The following COL5A1 variants were observed in gnomAD, a reference collection of about 807,000 sequenced individuals.
COL5A1 encodes collagen alpha-1(V) chain.
A neutral mutation model predicts 263.7 loss-of-function variants in COL5A1; 16 were observed. The ratio of observed to expected loss-of-function variants is 0.06; its 90% CI spans 0.04 to 0.09. The LOEUF is 0.09. Ranked by LOEUF, COL5A1 falls within the 10% of genes least tolerant of loss-of-function variation. The probability of loss-of-function intolerance (pLI) is 1.00; values close to 1 mark genes in which losing one functional copy is unlikely to be tolerated. For synonymous variants in COL5A1, 1,012 were observed against 1,004.5 expected (o/e 1.01, Z -0.14); for missense variants, 2,036 against 2,540.5 (o/e 0.80, Z 4.27).
chr9:134,769,034 C>T (rs545906267), intron 25 of COL5A1, among the ~76,000 whole-genome samples: 29 of 152,264 alleles, frequency 1.9e-4, no homozygotes, highest in Admixed American at 1.6e-3. Flanking sequence ...TGCACACGTG[C>T]GTGTACATGA....
chr9:134,662,133 T>C (rs1437688276), intron 1 of COL5A1, among the ~76,000 whole-genome samples: 1 of 135,640 alleles, frequency 7.4e-6, no homozygotes, highest in African/African-American at 2.8e-5. Flanking sequence ...GCCTGGTCAA[T>C]ATCTTGGCCA....
At chr9:134,660,452 G>A (rs1321438094) in intron 1 of COL5A1, among the ~76,000 whole-genome samples, 1 of 152,206 alleles carries the variant, frequency 6.6e-6, no homozygotes, top group Non-Finnish European at 1.5e-5. Flanking sequence ...TGCATATGTG[G>A]TCTTAGGCAT....
At chr9:134,701,449 G>T in intron 4 of COL5A1, 116 bp downstream of exon 4, 1 of 1,013,176 alleles carries the variant, frequency 9.9e-7, no homozygotes. Context: ...GTCCACTGTG[G>T]TCACCGTCTC....
intron 4 of COL5A1, among the ~76,000 whole-genome samples, chr9:134,725,010 G>A (rs1834596199): frequency 6.6e-6 from 1 of 152,208 alleles, no homozygotes; most frequent in African/African-American, 2.4e-5. Context: ...GTGTGCAGAT[G>A]TGATGCAGGG....
At position 134,642,073 on chromosome 9, in the gene COL5A1, C is replaced by A; in HGVS notation, c.-115C>A. On this transcript the variant is annotated 5_prime_UTR_variant, in exon 1 of 66. Transcript: ENST00000371817. The surrounding 1 kb of genome is among the most constrained non-coding windows in gnomAD (Gnocchi z 4.5). The stretch of plus-strand genomic sequence containing the variant: ...CGGGGGGTGCCGAGGTCCCCATGAC[C>A]TCCTAAAGTGGTGCGGTCCCTGCTG... 1 of 919,462 alleles carries A rather than the reference C, an allele frequency of 1.1e-6. No homozygotes were observed. The highest frequency in any genetic ancestry group is 1.4e-6 in the Non-Finnish European group (1 of 703,374). The allele number at this position is 919,462 out of a possible 1,614,324, so 57.0% of individuals were successfully genotyped here. A position where few individuals can be genotyped will look rare whatever the true frequency, so the allele number is the denominator to read the frequency against.
At chr9:134,690,002 G>A (rs1833219508) in intron 1 of COL5A1, among the ~76,000 whole-genome samples, 1 of 152,188 alleles carries the variant, frequency 6.6e-6, no homozygotes, top group Admixed American at 6.5e-5. Flanking sequence ...GCAGGTCTGG[G>A]GTCCTCGTGG....
intron 21 of COL5A1, 53 bp from the exon 22 acceptor site, chr9:134,766,401 T>C (rs1836666981): frequency 6.3e-7 from 1 of 1,576,624 alleles, no homozygotes; most frequent in African/African-American, 1.3e-5. Flanking sequence ...TCTTGAGCAC[T>C]GTGAGTTCTT....
chr9:134,745,939 C>G (rs1019689433), intron 11 of COL5A1, among the ~76,000 whole-genome samples: 3 of 152,144 alleles, frequency 2.0e-5, no homozygotes, highest in Non-Finnish European at 4.4e-5. Flanking sequence ...TGTCTTCACC[C>G]AGCCCTCCCC....
At chr9:134,737,116 C>A (rs1418028144) in intron 9 of COL5A1, among the ~76,000 whole-genome samples, 2 of 152,226 alleles carry the variant, frequency 1.3e-5, no homozygotes, top group East Asian at 3.9e-4. Context: ...CACCAGGCGT[C>A]ATCCCAGGGA....
chr9:134,823,597 T>G, intron 61 of COL5A1, 128 bp downstream of exon 61: 1 of 976,760 alleles, frequency 1.0e-6, no homozygotes, highest in Non-Finnish European at 1.6e-6. Flanking sequence ...GCCCGGGCCT[T>G]GTCCCTCGCA....
intron 2 of COL5A1, among the ~76,000 whole-genome samples, chr9:134,691,986 G>T (rs986891494): frequency 1.3e-5 from 2 of 152,212 alleles, no homozygotes; most frequent in African/African-American, 2.4e-5. Context: ...GGCCCCTGAA[G>T]GACACCCTCT....
intron 1 of COL5A1, among the ~76,000 whole-genome samples, chr9:134,645,594 T>G (rs970666804): frequency 9.2e-5 from 14 of 152,130 alleles, no homozygotes; most frequent in African/African-American, 3.4e-4. Context: ...GGGCTGGCAC[T>G]TGCCTGGCCT....
intron 29 of COL5A1, 83 bp downstream of exon 29, chr9:134,782,803 C>T (rs2132766386): frequency 1.6e-6 from 2 of 1,283,268 alleles, no homozygotes; most frequent in East Asian, 2.3e-5. Context: ...TGTTTGCCGC[C>T]ACAGGGCAGC....
intron 11 of COL5A1, among the ~76,000 whole-genome samples, chr9:134,747,721 G>A (rs111163486): frequency 0.012 from 1,617 of 139,560 alleles, 18 homozygotes; most frequent in Non-Finnish European, 0.019. Flanking sequence ...ATACACACAT[G>A]CAGACACATG....
At chr9:134,774,129 A>T (rs66460226) in intron 26 of COL5A1, among the ~76,000 whole-genome samples, 20,970 of 152,182 alleles carry the variant, frequency 0.14, 1,766 homozygotes, top group East Asian at 0.34. Flanking sequence ...AGAGGCATTC[A>T]CTTACTCCCT....
At chr9:134,753,771 T>TCCCCCCCCCC in intron 14 of COL5A1, 79 bp from the exon 15 acceptor site, 2 of 369,204 alleles carry the variant, frequency 5.4e-6, no homozygotes, top group Middle Eastern at 8.0e-4. Context: ...CCCCTGCCCC[T>TCCCCCCCCCC]CCCCTGCCAC....
In COL5A1 at chr9:134,834,839, G is replaced by GGTA. The variant is rs558080114; in HGVS notation, c.5137-131_5137-129dup. On this transcript the variant is annotated intron_variant, in intron 64 of 65. Coordinates refer to ENST00000371817, the MANE Select transcript of COL5A1 (RefSeq NM_000093.5). ...TGCGCTGGCCTCGGCCGGGTCTGTG[G>GGTA]GTACAGTGCGTTTCCAGGTAGTTCC... The GGTA allele has an allele frequency of 2.3e-4, 161 of 700,450 alleles. 1 individual carries two copies. The East Asian group carries it at 4.3e-3, about 19-fold the overall frequency. The allele number at this position is 700,450 out of a possible 1,614,324, so 43.4% of individuals were successfully genotyped here.
At position 134,738,494 on chromosome 9, in the gene COL5A1, G is replaced by A. The variant is rs148389741; in HGVS notation, c.1410G>A (p.Pro470=). The change falls in exon 10 of 66, where the codon CCG becomes CCA. Residue 470 remains proline (P), a synonymous_variant. Transcript: ENST00000371817. Reference sequence around the variant, plus strand: ...CCCAGGGCATGCTCATCGAGGGCCCGCCTGGCCCAGAAGGCCCCGCGGTGA... The same window carrying A: ...CCCAGGGCATGCTCATCGAGGGCCCACCTGGCCCAGAAGGCCCCGCGGTGA... The part of the protein sequence containing the change: ...IIEPGMLIEG[P]PGPEGPAGLP... The A allele has an allele frequency of 3.3e-5, 53 of 1,613,882 alleles. No homozygotes were observed. The highest frequency in any genetic ancestry group is 4.0e-5 in the Non-Finnish European group (47 of 1,180,034).
At chr9:134,724,313 T>C (rs1243142543) in intron 4 of COL5A1, among the ~76,000 whole-genome samples, 3 of 152,206 alleles carry the variant, frequency 2.0e-5, no homozygotes, top group Admixed American at 6.5e-5. Flanking sequence ...ATGCTGCCGT[T>C]TTATGCTAAT....
Sources: allele counts gnomAD v4.1 joint callset (sites outside exome capture counted in the v4.1 genomes callset), GRCh38; gene constraint gnomAD v4.1.1; non-coding constraint Gnocchi (gnomAD v3.1); transcripts MANE v1.5; gene names NCBI Gene and HGNC (gene_info 2026-07-23, HGNC 2026-07-21).